The following BPHL variants were observed in gnomAD, a reference collection of about 807,000 sequenced individuals.
BPHL encodes the protein serine hydrolase BPHL.
BPHL carries 27 observed loss-of-function variants against 31.2 expected under a neutral mutation model. That is an observed-to-expected ratio of 0.87 (90% CI 0.64 to 1.19). The LOEUF is 1.19. BPHL is among the 50% of genes most tolerant of loss of function. BPHL has a pLI of 0.00. For synonymous variants in BPHL, 150 were observed against 146.8 expected, an observed-to-expected ratio of 1.02 and a Z score of -0.16; for missense variants, 356 against 375.7, an observed-to-expected ratio of 0.95 and a Z score of 0.43.
chr6:3,150,433 T>C (rs1185930702), intron 6 of BPHL, among the ~76,000 whole-genome samples: 1 of 152,194 alleles, frequency 6.6e-6, no homozygotes, highest in Non-Finnish European at 1.5e-5. Flanking sequence ...TACCTTGGGG[T>C]TAGACAGCTT....
chr6:3,147,630 A>T (rs141349626), intron 6 of BPHL, among the ~76,000 whole-genome samples: 2,117 of 152,258 alleles, frequency 0.014, 16 homozygotes, highest in Non-Finnish European at 0.022. Context: ...AAAAAGAACC[A>T]ACAAGACGTA....
chr6:3,124,366 G>C (rs930374295), intron 2 of BPHL, among the ~76,000 whole-genome samples: 1 of 152,120 alleles, frequency 6.6e-6, no homozygotes, highest in Admixed American at 6.5e-5. Flanking sequence ...AATTTGCAGT[G>C]ATTCCAGTAC....
intron 6 of BPHL, among the ~76,000 whole-genome samples, chr6:3,148,260 C>T (rs1762432640): frequency 6.6e-6 from 1 of 152,150 alleles, no homozygotes; most frequent in African/African-American, 2.4e-5. Flanking sequence ...GTGCAGTGGG[C>T]TAGTTACTCT....
intron 5 of BPHL, 109 bp downstream of exon 5, chr6:3,137,602 C>G: frequency 9.5e-6 from 14 of 1,471,744 alleles, no homozygotes; most frequent in Non-Finnish European, 1.3e-5. Context: ...ATCGCCCTCA[C>G]ACGCTCATGT....
intron 4 of BPHL, 90 bp downstream of exon 4, chr6:3,129,288 A>G: frequency 7.1e-7 from 1 of 1,408,494 alleles, no homozygotes; most frequent in Non-Finnish European, 9.3e-7. Flanking sequence ...TTGACAAGAC[A>G]CATCTCTCGT....
rs1761796081 is a variant in BPHL at position 3,129,118 on chromosome 6, A to G, written c.452A>G (p.Lys151Arg). ...ATAACCGCACTCATTGCTGCTGCAAAATATCCATCTTACATCCACAAGATG... is the reference window on the plus strand; with the variant it reads ...ATAACCGCACTCATTGCTGCTGCAAGATATCCATCTTACATCCACAAGATG... Reference protein sequence around the residue: ...GGITALIAAAKYPSYIHKMVI... With the variant: ...GGITALIAAARYPSYIHKMVI... Residue 151 changes from lysine to arginine, a missense_variant, in exon 4 of 7, where the codon AAA becomes AGA. Coordinates refer to ENST00000380379, the MANE Select transcript of BPHL (RefSeq NM_004332.4). 1.9e-6 allele frequency: 3 copies of G among 1,613,676 alleles called. No individual in the cohort carries two copies. The highest frequency in any genetic ancestry group is 1.7e-5 in the Admixed American group (1 of 59,944).
chr6:3,118,777 C>T lies in BPHL; in HGVS notation c.37C>T (p.Leu13=), dbSNP rs574902748. The change falls in exon 1 of 7, where the codon CTG becomes TTG. Residue 13 remains leucine (L), a synonymous_variant. Transcript: ENST00000380379. ...GCTGGGCGGCCGGGGCGTGTTGCGC[C>T]TGCGGCTGCTTCTCTCAGCGCTGAA... ...AVLGGRGVLR[L]RLLLSALKPG... The T allele has an allele frequency of 8.0e-6, 10 of 1,252,968 alleles. No homozygotes were observed. The East Asian group carries it at 1.3e-4, about 16-fold the overall frequency. 77.6% of individuals were successfully genotyped at this position (1,252,968 alleles called of 1,614,324 possible).
Position 3,140,352 on chromosome 6 carries a change from C to T in BPHL, c.665-34C>T, listed in dbSNP as rs1339814828. On this transcript the variant is annotated intron_variant, in intron 5 of 6. Coordinates refer to ENST00000380379, the MANE Select transcript of BPHL (RefSeq NM_004332.4). The surrounding 1 kb of genome is among the most constrained non-coding windows in gnomAD (Gnocchi z 5.2). ...CCTCTGACCGCGTAGAATGGTTGCA[C>T]TAAAGCAGATTCCTCGTGCTGTGTA... is the stretch of plus-strand genomic sequence containing the variant. 1.9e-6 allele frequency: 3 copies of T among 1,613,380 alleles called. No individual in the cohort carries two copies. The South Asian group carries it at 3.3e-5, about 18-fold the overall frequency.
At chr6:3,138,362 A>T (rs533603048) in intron 5 of BPHL, 13 of 164,390 alleles carry the variant, frequency 7.9e-5, no homozygotes, top group Non-Finnish European at 1.6e-4. Context: ...CAGTTAAAGT[A>T]AGAATTGACA....
Position 3,152,681 on chromosome 6 carries a change from C to G in BPHL, c.*106C>G. The G allele has an allele frequency of 1.0e-6, 1 of 981,924 alleles. No individual in the cohort carries two copies. The highest frequency in any genetic ancestry group is 1.5e-6 in the Non-Finnish European group (1 of 650,282). The allele number at this position is 981,924 out of a possible 1,614,324, so 60.8% of individuals were successfully genotyped here. A position where few individuals can be genotyped will look rare whatever the true frequency, so the allele number is the denominator to read the frequency against. ...TCTCCGCCTTTGAAACTTTCTACCC[C>G]TCCCTTCAATCTTATCCTAACCAAA... On this transcript the variant is annotated 3_prime_UTR_variant, in exon 7 of 7. Coordinates refer to ENST00000380379, the MANE Select transcript of BPHL (RefSeq NM_004332.4).
chr6:3,121,759 C>T (rs1392379008), intron 1 of BPHL, among the ~76,000 whole-genome samples: 1 of 152,108 alleles, frequency 6.6e-6, no homozygotes, highest in African/African-American at 2.4e-5. Flanking sequence ...AGATAAGGAG[C>T]TTATAGTTTA....
intron 1 of BPHL, among the ~76,000 whole-genome samples, chr6:3,120,681 C>T (rs1036328667): frequency 6.6e-6 from 1 of 152,104 alleles, no homozygotes; most frequent in Non-Finnish European, 1.5e-5. Context: ...TTTCAAAATC[C>T]GTAAGGTGAT....
At chr6:3,121,003 G>A (rs190731838) in intron 1 of BPHL, among the ~76,000 whole-genome samples, 7 of 152,328 alleles carry the variant, frequency 4.6e-5, no homozygotes, top group African/African-American at 1.4e-4. Context: ...CTCTGTGAGT[G>A]TGGGCAGATT....
At chr6:3,133,956 CT>C (rs1233510970) in intron 4 of BPHL, among the ~76,000 whole-genome samples, 2 of 152,180 alleles carry the variant, frequency 1.3e-5, no homozygotes, top group Non-Finnish European at 2.9e-5. Context: ...AGATTCTTAA[CT>C]TTTAGCTCTT....
chr6:3,139,515 C>T (rs1485173313), intron 5 of BPHL: 1 of 152,240 alleles, frequency 6.6e-6, no homozygotes, highest in Non-Finnish European at 1.5e-5. Context: ...TGACTTCCCA[C>T]TGAAGAGGAG....
intron 3 of BPHL, among the ~76,000 whole-genome samples, chr6:3,128,269 A>C (rs1761772019): frequency 6.6e-6 from 1 of 152,174 alleles, no homozygotes; most frequent in Non-Finnish European, 1.5e-5. Context: ...GACATCCTGG[A>C]CTGAGCTCCT....
chr6:3,127,463 T>C, intron 3 of BPHL, 55 bp downstream of exon 3: 1 of 1,380,772 alleles, frequency 7.2e-7, no homozygotes, highest in East Asian at 2.5e-5. Flanking sequence ...CTGTCTTCAT[T>C]TATTTTGTTT....
At chr6:3,127,686 T>A (rs936537190) in intron 3 of BPHL, among the ~76,000 whole-genome samples, 25 of 152,186 alleles carry the variant, frequency 1.6e-4, no homozygotes, top group Admixed American at 8.5e-4. Flanking sequence ...CACCTAACGT[T>A]TTTCTAACTT....
chr6:3,126,377 G>A (rs569612796), intron 2 of BPHL, among the ~76,000 whole-genome samples: 1 of 152,240 alleles, frequency 6.6e-6, no homozygotes, highest in South Asian at 2.1e-4. Context: ...AAGAAGAATA[G>A]ATAACCCAGA....
Sources: allele counts gnomAD v4.1 joint callset (sites outside exome capture counted in the v4.1 genomes callset), GRCh38; gene constraint gnomAD v4.1.1; non-coding constraint Gnocchi (gnomAD v3.1); transcripts MANE v1.5; gene names NCBI Gene and HGNC (gene_info 2026-07-23, HGNC 2026-07-21).